The following LARP1 variants were observed in gnomAD, a reference collection of about 807,000 sequenced individuals.
The protein encoded by LARP1 is La ribonucleoprotein 1, translational regulator.
A neutral mutation model predicts 122.7 loss-of-function variants in LARP1; 36 were observed. That is an observed-to-expected ratio of 0.29 (90% CI 0.22 to 0.39). The LOEUF (loss-of-function observed/expected upper bound fraction) is 0.39, where lower values mean the gene tolerates loss of function less well. LARP1 is among the 10% of genes least tolerant of loss of function. The pLI is 1.00. For synonymous variants in LARP1, 539 were observed against 528.7 expected (o/e 1.02, Z -0.27); for missense variants, 1,040 against 1,403.6 (o/e 0.74, Z 4.14).
At chr5:154,758,777 G>C (rs1332314480) in intron 1 of LARP1, among the ~76,000 whole-genome samples, 1 of 152,208 alleles carries the variant, frequency 6.6e-6, no homozygotes, top group Non-Finnish European at 1.5e-5. Context: ...TGGCTCAAAT[G>C]TTGGTGTTTT....
chr5:154,718,151 G>A (rs1433546707), intron 1 of LARP1, among the ~76,000 whole-genome samples: 5 of 151,860 alleles, frequency 3.3e-5, no homozygotes, highest in Non-Finnish European at 5.9e-5. Context: ...CAAATTCCTC[G>A]TGTCAAATGA....
At chr5:154,690,409 C>T (rs1350308050) in intron 1 of LARP1, among the ~76,000 whole-genome samples, 1 of 152,152 alleles carries the variant, frequency 6.6e-6, no homozygotes, top group Non-Finnish European at 1.5e-5. Flanking sequence ...GCGGCAAGCC[C>T]CTTACTAAGG....
At chr5:154,805,699 A>G in intron 14 of LARP1, 182 bp from the exon 15 acceptor site, 1 of 626,884 alleles carries the variant, frequency 1.6e-6, no homozygotes, top group Non-Finnish European at 2.8e-6. Context: ...AAACTCTCTG[A>G]GAGTTGATGC....
At chr5:154,689,922 C>CA (rs975141441) in intron 1 of LARP1, among the ~76,000 whole-genome samples, 93 of 152,002 alleles carry the variant, frequency 6.1e-4, no homozygotes, top group Middle Eastern at 6.8e-3. Context: ...ACTAAAAATA[C>CA]AAAAAAATTA....
At chr5:154,736,536 T>TTTTTTTTTTTTATTTATTTA in intron 1 of LARP1, among the ~76,000 whole-genome samples, 1 of 133,204 alleles carries the variant, frequency 7.5e-6, no homozygotes, top group African/African-American at 2.9e-5. Flanking sequence ...CCTGGCCTAT[T>TTTTTTTTTTTTATTTATTTA]TTTATTTATT....
rs1561642038 is a variant in LARP1 at position 154,814,376 on chromosome 5, C to T, written c.*280C>T. ...GGGGGGAGATTTTTATATATATATA[C>T]ATATATATATATCAAGTTTTAAATT... On this transcript the variant is annotated 3_prime_UTR_variant, in exon 19 of 19. Coordinates refer to ENST00000518297, the MANE Select transcript of LARP1 (RefSeq NM_033551.3). 1.2e-5 allele frequency: 2 copies of T among 168,004 alleles called. No homozygotes were observed. Among genetic ancestry groups the T allele is most frequent in the Admixed American group, 6.3e-5 (1 of 15,788 alleles). 10.4% of individuals were successfully genotyped at this position (168,004 alleles called of 1,614,324 possible).
At chr5:154,780,487 TGAG>T (rs761644462) in intron 1 of LARP1, among the ~76,000 whole-genome samples, 6 of 152,184 alleles carry the variant, frequency 3.9e-5, no homozygotes, top group Admixed American at 6.5e-5. Flanking sequence ...TGTATTTTGT[TGAG>T]GAGCAGATAT....
At chr5:154,800,984 A>G (rs1162025781) in intron 10 of LARP1, among the ~76,000 whole-genome samples, 1 of 152,138 alleles carries the variant, frequency 6.6e-6, no homozygotes, top group African/African-American at 2.4e-5. Flanking sequence ...CAGGCCTACA[A>G]AGTTTTGTTT....
rs371609204 is a variant in LARP1, at chr5:154,803,461, G to T, written c.2233+48G>T. On this transcript the variant is annotated intron_variant, in intron 12 of 18. Coordinates refer to ENST00000518297, the MANE Select transcript of LARP1 (RefSeq NM_033551.3). The surrounding 1 kb of genome is among the most constrained non-coding windows in gnomAD (Gnocchi z 4.4). Reference sequence around the variant, plus strand: ...CCTGACATGGGTGAGAGGATCTAGGGCCCTTGGACTGGGGGCTATCCTGGG... The same window carrying T: ...CCTGACATGGGTGAGAGGATCTAGGTCCCTTGGACTGGGGGCTATCCTGGG... The T allele has an allele frequency of 4.9e-5, 79 of 1,613,910 alleles. No individual in the cohort carries two copies. The highest frequency in any genetic ancestry group is 4.7e-4 in the South Asian group (43 of 91,074).
At chr5:154,749,337 CAG>C (rs1047542358) in intron 1 of LARP1, among the ~76,000 whole-genome samples, 1 of 152,180 alleles carries the variant, frequency 6.6e-6, no homozygotes, top group Admixed American at 6.5e-5. Flanking sequence ...GTTTCCGACT[CAG>C]AGGGGTGAGT....
chr5:154,811,926 C>A (rs1737228531), intron 18 of LARP1, among the ~76,000 whole-genome samples: 1 of 152,200 alleles, frequency 6.6e-6, no homozygotes, highest in African/African-American at 2.4e-5. Flanking sequence ...CCCAAGTTAG[C>A]CACTACTAGT....
intron 1 of LARP1, among the ~76,000 whole-genome samples, chr5:154,739,837 T>C (rs1561556186): frequency 6.6e-6 from 1 of 152,162 alleles, no homozygotes; most frequent in Non-Finnish European, 1.5e-5. Context: ...AGCCCTGAGT[T>C]TGGGCTGGGA....
At position 154,749,625 on chromosome 5, in the gene LARP1, G is replaced by T. The variant is rs545447648; in HGVS notation, c.205+36495G>T. On this transcript the variant is annotated intron_variant, in intron 1 of 18. Transcript: ENST00000336314. ...ATAATTACGTGACATGTGCCAGAAGGCCCAAGAGTCTTCAGGGTCTTGAAA... is the reference window on the plus strand; with the variant it reads ...ATAATTACGTGACATGTGCCAGAAGTCCCAAGAGTCTTCAGGGTCTTGAAA... Among the ~76,000 whole-genome samples, 251 of 152,272 alleles carry T rather than the reference G, an allele frequency of 1.6e-3. 1 individual carries two copies. Among genetic ancestry groups the T allele is most frequent in the African/African-American group, 5.7e-3 (238 of 41,534 alleles).
At chr5:154,798,848 GTTGTTTTT>G (rs1348824305) in intron 8 of LARP1, among the ~76,000 whole-genome samples, 3 of 151,100 alleles carry the variant, frequency 2.0e-5, no homozygotes, top group African/African-American at 7.4e-5. Context: ...TGTAAAGTTG[GTTGTTTTT>G]TTGTTTGTTT....
chr5:154,692,869 C>G (rs879861508), intron 1 of LARP1, among the ~76,000 whole-genome samples: 1 of 152,130 alleles, frequency 6.6e-6, no homozygotes, highest in African/African-American at 2.4e-5. Flanking sequence ...TTGTTACATA[C>G]AAGCAGGTGT....
At position 154,755,452 on chromosome 5, in the gene LARP1, G is replaced by A. The variant is rs930131656; in HGVS notation, c.-306G>A. 1.4e-6 allele frequency: 1 copy of A among 736,040 alleles called. No homozygotes were observed. Among genetic ancestry groups the A allele is most frequent in the East Asian group, 1.3e-4 (1 of 7,510 alleles). 45.6% of individuals were successfully genotyped at this position (736,040 alleles called of 1,614,324 possible). On this transcript the variant is annotated 5_prime_UTR_variant, in exon 1 of 19. Coordinates refer to ENST00000518297, the MANE Select transcript of LARP1 (RefSeq NM_033551.3). ...CGGGGGGGAGGGAGGGACGGGACTA[G>A]AAGCCTGCCGGGCTCGGGGTGGGGG...
intron 1 of LARP1, among the ~76,000 whole-genome samples, chr5:154,761,865 T>C (rs184647914): frequency 1.4e-3 from 213 of 152,322 alleles, no homozygotes; most frequent in Non-Finnish European, 2.5e-3. Flanking sequence ...GTTTTCCTTA[T>C]TCACAGAATG....
chr5:154,731,217 TA>T (rs1485425825), intron 1 of LARP1, among the ~76,000 whole-genome samples: 1 of 151,756 alleles, frequency 6.6e-6, no homozygotes, highest in Non-Finnish European at 1.5e-5. Flanking sequence ...ATGCATAGAG[TA>T]AAAAGATACT....
At chr5:154,776,808 T>G (rs1755924884) in intron 1 of LARP1, among the ~76,000 whole-genome samples, 1 of 152,198 alleles carries the variant, frequency 6.6e-6, no homozygotes, top group Admixed American at 6.5e-5. Flanking sequence ...GTGAAGTGAG[T>G]GTTTTTCAAA....
Sources: gnomAD v4.1 joint callset for allele counts (sites outside exome capture counted in the v4.1 genomes callset) on GRCh38, gnomAD v4.1.1 for gene constraint, Gnocchi (gnomAD v3.1) non-coding constraint, MANE v1.5 for transcripts, NCBI Gene and HGNC (gene_info 2026-07-23, HGNC 2026-07-21) for gene names.